UBE2E2: variants seen among roughly 807,000 people sequenced by gnomAD.
UBE2E2 encodes the protein ubiquitin-conjugating enzyme E2 E2.
In UBE2E2, 6 loss-of-function variants were observed where a neutral mutation model predicts 24.7. The ratio of observed to expected loss-of-function variants is 0.24; its 90% confidence interval spans 0.13 to 0.48. The LOEUF (loss-of-function observed/expected upper bound fraction) is 0.48, where lower values mean the gene tolerates loss of function less well. Among genes scored for constraint, UBE2E2 ranks in the 20% least tolerant of loss-of-function variants. The pLI is 0.99. For synonymous variants in UBE2E2, 104 were observed against 83.6 expected (o/e 1.24, Z -1.33); for missense variants, 169 against 245.0 (o/e 0.69, Z 2.07).
intron 3 of UBE2E2, among the ~76,000 whole-genome samples, chr3:23,243,167 A>G (rs533621765): frequency 2.0e-5 from 3 of 152,302 alleles, no homozygotes; most frequent in South Asian, 4.1e-4. Flanking sequence ...TATTGAAGTT[A>G]AAGGAAACTA....
chr3:23,400,301 C>T (rs1030903110), intron 3 of UBE2E2, among the ~76,000 whole-genome samples: 18 of 152,082 alleles, frequency 1.2e-4, no homozygotes, highest in African/African-American at 3.6e-4. Context: ...TCTGTCATAA[C>T]GGAAAACGGA....
rs562961286 is a variant in UBE2E2 at position 23,451,832 on chromosome 3, A to T, written c.228-47776A>T. On this transcript the variant is annotated intron_variant, in intron 3 of 5. Coordinates refer to ENST00000396703, the MANE Select transcript of UBE2E2 (RefSeq NM_152653.4). Reference sequence around the variant, plus strand: ...AAAAATATATTTATGCTTCCCTAAGATAGTGGCCAAGTTTGAAAAAAATAG... The same window carrying T: ...AAAAATATATTTATGCTTCCCTAAGTTAGTGGCCAAGTTTGAAAAAAATAG... Among the ~76,000 whole-genome samples, 17 of 152,276 alleles carry T rather than the reference A, an allele frequency of 1.1e-4. No homozygotes were observed. The East Asian group carries it at 2.1e-3, about 19-fold the overall frequency.
At chr3:23,323,424 T>C (rs1051657186) in intron 3 of UBE2E2, 2 of 283,124 alleles carry the variant, frequency 7.1e-6, no homozygotes, top group Non-Finnish European at 7.0e-6. Context: ...TCATTTGGCA[T>C]GACCCCAGGG....
intron 5 of UBE2E2, among the ~76,000 whole-genome samples, chr3:23,534,633 T>A (rs995565348): frequency 6.6e-6 from 1 of 152,088 alleles, no homozygotes; most frequent in African/African-American, 2.4e-5. Flanking sequence ...TTAAATAGAG[T>A]TGTTTATTTT....
At chr3:23,302,751 C>T (rs1472441455) in intron 3 of UBE2E2, among the ~76,000 whole-genome samples, 1 of 152,196 alleles carries the variant, frequency 6.6e-6, no homozygotes, top group Admixed American at 6.5e-5. Context: ...AGCATGAAAG[C>T]AGCCATAGAA....
At chr3:23,485,658 C>T (rs576370732) in intron 3 of UBE2E2, among the ~76,000 whole-genome samples, 31 of 152,250 alleles carry the variant, frequency 2.0e-4, no homozygotes, top group South Asian at 4.1e-4. Flanking sequence ...TTTGGCCTGG[C>T]GCTGCCTTCA....
chr3:23,297,065 A>G (rs1218190855), intron 3 of UBE2E2, among the ~76,000 whole-genome samples: 9 of 152,172 alleles, frequency 5.9e-5, no homozygotes, highest in Admixed American at 4.6e-4. Context: ...GCCGGTGATG[A>G]CGAGCACTTT....
chr3:23,514,436 G>A (rs536792135), intron 4 of UBE2E2, among the ~76,000 whole-genome samples: 1 of 152,258 alleles, frequency 6.6e-6, no homozygotes, highest in South Asian at 2.1e-4. Context: ...TTGGTTTGTA[G>A]TACTGAAATA....
chr3:23,388,866 G>A (rs1336714432), intron 3 of UBE2E2, among the ~76,000 whole-genome samples: 1 of 151,920 alleles, frequency 6.6e-6, no homozygotes, highest in African/African-American at 2.4e-5. Context: ...TTAGCTGGGT[G>A]GGGCACATGC....
intron 5 of UBE2E2, among the ~76,000 whole-genome samples, chr3:23,582,891 G>GTGTGTGTGTGTGTGTGTGTGTGTGTA (rs1553622745): frequency 6.7e-6 from 1 of 148,614 alleles, no homozygotes; most frequent in African/African-American, 2.5e-5. Flanking sequence ...GTGTGTGTGT[G>GTGTGTGTGTGTGTGTGTGTGTGTGTA]TGTTGTGTGT....
In UBE2E2 at chr3:23,265,415, C is replaced by G. The variant is rs144767442; in HGVS notation, c.227+48103C>G. Reference sequence around the variant, plus strand: ...AGGATGTGAATGAAGCATGCATAACCAGACTGGAGAGGTGACTGGGACCAG... The same window carrying G: ...AGGATGTGAATGAAGCATGCATAACGAGACTGGAGAGGTGACTGGGACCAG... On this transcript the variant is annotated intron_variant, in intron 3 of 5. Transcript: ENST00000396703. Among the ~76,000 whole-genome samples the G allele has an allele frequency of 6.2e-3, 942 of 152,224 alleles. 14 individuals are homozygous for G. The highest frequency in any genetic ancestry group is 0.021 in the African/African-American group (873 of 41,548).
At chr3:23,437,221 A>G (rs916270979) in intron 3 of UBE2E2, among the ~76,000 whole-genome samples, 3 of 152,176 alleles carry the variant, frequency 2.0e-5, no homozygotes, top group Non-Finnish European at 4.4e-5. Context: ...TGAAAAACTC[A>G]TCCTTACATG....
At chr3:23,522,285 C>G (rs1252456531) in intron 4 of UBE2E2, among the ~76,000 whole-genome samples, 1 of 152,042 alleles carries the variant, frequency 6.6e-6, no homozygotes, top group Non-Finnish European at 1.5e-5. Flanking sequence ...CGCCCGCCAC[C>G]ACGCCCGGCT....
intron 3 of UBE2E2, among the ~76,000 whole-genome samples, chr3:23,296,753 G>A (rs1698921119): frequency 6.6e-6 from 1 of 152,172 alleles, no homozygotes; most frequent in Non-Finnish European, 1.5e-5. Flanking sequence ...ATTGTGAATA[G>A]TGCCGCAATA....
At chr3:23,573,920 G>C (rs138234840) in intron 5 of UBE2E2, among the ~76,000 whole-genome samples, 1 of 152,184 alleles carries the variant, frequency 6.6e-6, no homozygotes, top group African/African-American at 2.4e-5. Flanking sequence ...CTTAGCTGAT[G>C]ATGACACACT....
rs531340211 is a variant in UBE2E2, at chr3:23,465,062, A to G, written c.228-34546A>G. On this transcript the variant is annotated intron_variant, in intron 3 of 5. Coordinates refer to ENST00000396703, the MANE Select transcript of UBE2E2 (RefSeq NM_152653.4). ...TTTTGTGTCAAAGAGATGTTGCTTC[A>G]TGTAGCTGATAAGCTAGCATTTATT... 4.6e-5 allele frequency among the ~76,000 whole-genome samples: 7 copies of G among 152,328 alleles called. No individual in the cohort carries two copies. In the East Asian group the frequency reaches 1.3e-3, roughly 29 times the overall value.
At chr3:23,424,226 A>G (rs952530387) in intron 3 of UBE2E2, among the ~76,000 whole-genome samples, 3 of 152,200 alleles carry the variant, frequency 2.0e-5, no homozygotes, top group African/African-American at 7.2e-5. Context: ...AATCTAAGAA[A>G]TAAAAGAAAA....
At chr3:23,357,848 A>AC (rs1553605245) in intron 3 of UBE2E2, among the ~76,000 whole-genome samples, 1 of 151,624 alleles carries the variant, frequency 6.6e-6, no homozygotes, top group Non-Finnish European at 1.5e-5. Flanking sequence ...AATCTATTTA[A>AC]TTTTTTTTGA....
intron 3 of UBE2E2, among the ~76,000 whole-genome samples, chr3:23,313,480 G>A (rs887278443): frequency 6.7e-6 from 1 of 149,762 alleles, no homozygotes; most frequent in African/African-American, 2.5e-5. Context: ...TGCCTCCTGG[G>A]TTCAAGTGAT....
Sources: allele counts gnomAD v4.1 joint callset (sites outside exome capture counted in the v4.1 genomes callset), GRCh38; gene constraint gnomAD v4.1.1; transcripts MANE v1.5; gene names NCBI Gene and HGNC (gene_info 2026-07-23, HGNC 2026-07-21).